The following NEK11 variants were observed in gnomAD, a reference collection of about 807,000 sequenced individuals.
NEK11 encodes the protein NIMA related kinase 11.
Under a neutral mutation model 80.7 loss-of-function variants are expected in NEK11, and 72 were observed. The observed-to-expected ratio is 0.89, with a 90% confidence interval of 0.74 to 1.08. The LOEUF (loss-of-function observed/expected upper bound fraction) is 1.08, where lower values mean the gene tolerates loss of function less well. NEK11 is among the 50% of genes least tolerant of loss of function. NEK11 has a pLI of 0.00. For synonymous variants in NEK11, 251 were observed against 260.7 expected (o/e 0.96, Z 0.36); for missense variants, 764 against 763.6 (o/e 1.00, Z -0.01).
chr3:131,096,611 T>C (rs561352388), intron 4 of NEK11, among the ~76,000 whole-genome samples: 4 of 152,306 alleles, frequency 2.6e-5, no homozygotes, highest in African/African-American at 9.6e-5. Flanking sequence ...TAAACTGCTT[T>C]CCACAGTGGC....
At chr3:131,207,307 G>A (rs2094469971) in intron 14 of NEK11, among the ~76,000 whole-genome samples, 1 of 152,130 alleles carries the variant, frequency 6.6e-6, no homozygotes, top group African/African-American at 2.4e-5. Flanking sequence ...TTCCTGGCTG[G>A]GCACGGTGGC....
intron 17 of NEK11, among the ~76,000 whole-genome samples, chr3:131,337,438 G>T (rs2097204327): frequency 6.6e-6 from 1 of 151,686 alleles, no homozygotes; most frequent in South Asian, 2.1e-4. Context: ...ACACAGGAAG[G>T]GGAACATCAC....
At chr3:131,183,056 C>A (rs1197037623) in intron 14 of NEK11, among the ~76,000 whole-genome samples, 2 of 152,148 alleles carry the variant, frequency 1.3e-5, no homozygotes, top group Non-Finnish European at 1.5e-5. Flanking sequence ...TGAGATTATA[C>A]ATTTTGAACA....
chr3:131,135,284 G>A (rs958600166), intron 7 of NEK11, among the ~76,000 whole-genome samples: 1 of 151,948 alleles, frequency 6.6e-6, no homozygotes, highest in Non-Finnish European at 1.5e-5. Flanking sequence ...AATTATTCAC[G>A]TGTTTTTTTC....
At chr3:131,125,877 A>G (rs936671022) in intron 5 of NEK11, among the ~76,000 whole-genome samples, 1 of 152,240 alleles carries the variant, frequency 6.6e-6, no homozygotes, top group Non-Finnish European at 1.5e-5. Flanking sequence ...TAAGGCTGCC[A>G]GAAGCATTGG....
chr3:131,233,640 T>A (rs186399741), intron 15 of NEK11, among the ~76,000 whole-genome samples: 2 of 152,332 alleles, frequency 1.3e-5, no homozygotes, highest in African/African-American at 4.8e-5. Flanking sequence ...CAAAATGAGC[T>A]GAGAGATATA....
At chr3:131,149,848 C>G (rs755044347) in intron 7 of NEK11, among the ~76,000 whole-genome samples, 1 of 151,570 alleles carries the variant, frequency 6.6e-6, no homozygotes, top group African/African-American at 2.4e-5. Flanking sequence ...TCATTAATTT[C>G]TTCTCTTTTA....
chr3:131,068,147 C>G (rs557713295), intron 3 of NEK11, among the ~76,000 whole-genome samples: 2 of 152,316 alleles, frequency 1.3e-5, no homozygotes, highest in African/African-American at 4.8e-5. Context: ...CAAATCCACC[C>G]TCTGTCCCAA....
chr3:131,287,550 A>G (rs773593271), intron 17 of NEK11, among the ~76,000 whole-genome samples: 1 of 152,202 alleles, frequency 6.6e-6, no homozygotes, highest in Non-Finnish European at 1.5e-5. Flanking sequence ...GTGGGATTAC[A>G]GGAGTGAGCC....
chr3:131,044,856 G>A lies in NEK11; in HGVS notation c.170+14978G>A, dbSNP rs200086838. 2.0e-4 allele frequency among the ~76,000 whole-genome samples: 30 copies of A among 152,140 alleles called. No individual in the cohort carries two copies. In the East Asian group the frequency reaches 5.2e-3, roughly 26 times the overall value. ...ACCGCATAGCACTTATTCTAAAATC[G>A]ACCACATAATTGGAAGTAAAACACT... On this transcript the variant is annotated intron_variant, in intron 3 of 17. Transcript: ENST00000383366.
intron 4 of NEK11, among the ~76,000 whole-genome samples, chr3:131,080,977 G>A (rs1400227914): frequency 6.6e-6 from 1 of 152,126 alleles, no homozygotes; most frequent in African/African-American, 2.4e-5. Context: ...GGGCGTGGTT[G>A]TATGAGCCTG....
At chr3:131,066,518 A>T (rs1444138182) in intron 3 of NEK11, among the ~76,000 whole-genome samples, 1 of 152,058 alleles carries the variant, frequency 6.6e-6, no homozygotes, top group Admixed American at 6.6e-5. Flanking sequence ...TAGGGGTGAG[A>T]TAGTTAGATG....
chr3:131,319,877 A>G (rs1361476391), intron 17 of NEK11, among the ~76,000 whole-genome samples: 6 of 152,128 alleles, frequency 3.9e-5, no homozygotes, highest in Admixed American at 3.9e-4. Flanking sequence ...CATAAAAACA[A>G]GTCTCCAAGT....
At chr3:131,317,926 C>T (rs2096860889) in intron 17 of NEK11, among the ~76,000 whole-genome samples, 1 of 148,408 alleles carries the variant, frequency 6.7e-6, no homozygotes, top group African/African-American at 2.5e-5. Context: ...CCAAACTGTC[C>T]GTCCTCCTCA....
intron 3 of NEK11, among the ~76,000 whole-genome samples, chr3:131,054,919 T>C (rs2069162104): frequency 6.6e-6 from 1 of 152,198 alleles, no homozygotes; most frequent in Non-Finnish European, 1.5e-5. Flanking sequence ...TAAGGTACAG[T>C]TGGGCAGTTT....
At chr3:131,091,796 C>CAA (rs376207622) in intron 4 of NEK11, among the ~76,000 whole-genome samples, 1 of 152,002 alleles carries the variant, frequency 6.6e-6, no homozygotes, top group African/African-American at 2.4e-5. Context: ...TGAGCACACA[C>CAA]AAAAAAAATT....
intron 7 of NEK11, among the ~76,000 whole-genome samples, chr3:131,151,548 C>G (rs538347697): frequency 6.6e-6 from 1 of 152,006 alleles, no homozygotes; most frequent in Non-Finnish European, 1.5e-5. Flanking sequence ...AGGTCAATCA[C>G]AAGTTTATTT....
intron 10 of NEK11, 42 bp from the exon 11 acceptor site, chr3:131,162,366 G>T: frequency 6.3e-7 from 1 of 1,596,542 alleles, no homozygotes; most frequent in South Asian, 1.1e-5. Context: ...TTCTGAACAT[G>T]TTTGGGATGG....
intron 4 of NEK11, among the ~76,000 whole-genome samples, chr3:131,102,648 C>A (rs1025568922): frequency 6.6e-6 from 1 of 151,994 alleles, no homozygotes; most frequent in Non-Finnish European, 1.5e-5. Context: ...TGACTATGTG[C>A]CTTGGGGATG....
Sources: gnomAD v4.1 joint callset for allele counts (sites outside exome capture counted in the v4.1 genomes callset) on GRCh38, gnomAD v4.1.1 for gene constraint, MANE v1.5 for transcripts, NCBI Gene and HGNC (gene_info 2026-07-23, HGNC 2026-07-21) for gene names.